Variants in COL8A1 observed in about 807,000 individuals in gnomAD.
COL8A1 encodes the protein collagen type VIII alpha 1 chain.
Under a neutral mutation model 42.7 loss-of-function variants are expected in COL8A1, and 21 were observed. The ratio of observed to expected loss-of-function variants is 0.49; its 90% CI spans 0.35 to 0.71. The LOEUF (loss-of-function observed/expected upper bound fraction) is 0.71. Ranked by LOEUF, COL8A1 falls within the 30% of genes least tolerant of loss-of-function variation. COL8A1 has a pLI of 0.01. For synonymous variants in COL8A1, 367 were observed against 369.1 expected, an observed-to-expected ratio of 0.99 and a Z score of 0.06; for missense variants, 788 against 962.4, an observed-to-expected ratio of 0.82 and a Z score of 2.40.
rs1207115512 is a variant in COL8A1 at position 99,799,033 on chromosome 3, A to AG, written c.*2901dup. ...GTTTTAATGCAGTATGACATCCCAC[A>AG]GGGGAAAAGAATGTCTGTAGTGGGT... On this transcript the variant is annotated 3_prime_UTR_variant, in exon 4 of 4. Transcript: ENST00000652472. The AG allele has an allele frequency of 6.6e-6, 1 of 152,226 alleles. No individual in the cohort carries two copies. The highest frequency in any genetic ancestry group is 1.5e-5 in the Non-Finnish European group (1 of 68,026). 9.4% of individuals were successfully genotyped at this position (152,226 alleles called of 1,614,324 possible).
chr3:99,712,037 C>T (rs1017852850), intron 1 of COL8A1, among the ~76,000 whole-genome samples: 1 of 152,020 alleles, frequency 6.6e-6, no homozygotes, highest in Non-Finnish European at 1.5e-5. Context: ...TTCAGGTAAA[C>T]TTGGAAGTGA....
intron 3 of COL8A1, among the ~76,000 whole-genome samples, chr3:99,791,575 C>T (rs1250949684): frequency 6.6e-6 from 1 of 152,224 alleles, no homozygotes; most frequent in East Asian, 1.9e-4. Context: ...AGGGATGACA[C>T]CTGAAAATCT....
At chr3:99,756,904 A>G (rs989281877) in intron 2 of COL8A1, among the ~76,000 whole-genome samples, 4 of 152,372 alleles carry the variant, frequency 2.6e-5, no homozygotes, top group East Asian at 1.9e-4. Context: ...CTAAATTCCA[A>G]GGAAATGTGG....
At chr3:99,727,453 G>A (rs1269921500) in intron 1 of COL8A1, among the ~76,000 whole-genome samples, 1 of 152,068 alleles carries the variant, frequency 6.6e-6, no homozygotes. Flanking sequence ...ACAGTATGTT[G>A]AATAGGAGTG....
chr3:99,752,325 G>T (rs560522586), intron 2 of COL8A1, among the ~76,000 whole-genome samples: 10 of 152,170 alleles, frequency 6.6e-5, no homozygotes, highest in African/African-American at 2.4e-4. Context: ...ACAGGGTTTG[G>T]TCATAGTTAA....
At chr3:99,650,917 T>C (rs758834259) in intron 1 of COL8A1, among the ~76,000 whole-genome samples, 1 of 152,236 alleles carries the variant, frequency 6.6e-6, no homozygotes, top group Non-Finnish European at 1.5e-5. Flanking sequence ...TGCTTTTTTC[T>C]ATCCCCAGTG....
chr3:99,700,054 A>G (rs1452540052), intron 1 of COL8A1, among the ~76,000 whole-genome samples: 1 of 152,172 alleles, frequency 6.6e-6, no homozygotes, highest in Non-Finnish European at 1.5e-5. Flanking sequence ...GCAGACTCCA[A>G]TGCAGTCGGT....
At position 99,788,693 on chromosome 3, in the gene COL8A1, G is replaced by C. The variant is rs1358498024; in HGVS notation, c.-3-1987G>C. 3.3e-5 allele frequency among the ~76,000 whole-genome samples: 5 copies of C among 152,250 alleles called. No individual in the cohort carries two copies. The South Asian group carries it at 8.3e-4, about 25-fold the overall frequency. Reference sequence around the variant, plus strand: ...TGAAGAACTTAAAGAAATTTGTTTAGATGCACATAACTAGACAAGGAATAA... The same window carrying C: ...TGAAGAACTTAAAGAAATTTGTTTACATGCACATAACTAGACAAGGAATAA... On this transcript the variant is annotated intron_variant, in intron 2 of 3. Coordinates refer to ENST00000652472, the MANE Select transcript of COL8A1 (RefSeq NM_020351.4).
intron 1 of COL8A1, among the ~76,000 whole-genome samples, chr3:99,689,326 T>C (rs1257431352): frequency 6.6e-6 from 1 of 152,188 alleles, no homozygotes; most frequent in African/African-American, 2.4e-5. Context: ...GTATGCAACA[T>C]CTCCAAAAGC....
At chr3:99,718,543 C>A (rs1204827513) in intron 1 of COL8A1, among the ~76,000 whole-genome samples, 2 of 152,010 alleles carry the variant, frequency 1.3e-5, no homozygotes, top group Non-Finnish European at 2.9e-5. Context: ...CTTCTAATCC[C>A]ATCCTACAAT....
chr3:99,648,831 C>T (rs1937741021), intron 1 of COL8A1, among the ~76,000 whole-genome samples: 1 of 152,136 alleles, frequency 6.6e-6, no homozygotes, highest in Non-Finnish European at 1.5e-5. Flanking sequence ...CAGATGATGA[C>T]AGTAAACATG....
At chr3:99,673,260 G>A (rs1320723989) in intron 1 of COL8A1, among the ~76,000 whole-genome samples, 1 of 151,970 alleles carries the variant, frequency 6.6e-6, no homozygotes, top group Non-Finnish European at 1.5e-5. Flanking sequence ...TGTGATTACT[G>A]AATGGGCAAC....
chr3:99,738,872 C>T (rs548497549), intron 1 of COL8A1, among the ~76,000 whole-genome samples: 68 of 152,220 alleles, frequency 4.5e-4, no homozygotes, highest in East Asian at 2.1e-3. Flanking sequence ...TAGCAATCAG[C>T]GAGATTCCGT....
intron 1 of COL8A1, among the ~76,000 whole-genome samples, chr3:99,667,948 T>A (rs1938417242): frequency 6.6e-6 from 1 of 152,072 alleles, no homozygotes; most frequent in Non-Finnish European, 1.5e-5. Flanking sequence ...ATAAAAAAAA[T>A]TATCTAATAT....
intron 2 of COL8A1, among the ~76,000 whole-genome samples, chr3:99,775,650 T>G (rs1204646475): frequency 3.9e-5 from 6 of 152,200 alleles, no homozygotes; most frequent in Admixed American, 2.0e-4. Context: ...GCTAGGCTTC[T>G]CTAGGGTTCC....
chr3:99,700,946 C>T (rs1214617846), intron 1 of COL8A1, among the ~76,000 whole-genome samples: 2 of 152,168 alleles, frequency 1.3e-5, no homozygotes, highest in African/African-American at 2.4e-5. Flanking sequence ...TAGCTTCCCA[C>T]GTATAGGCTT....
chr3:99,648,145 T>C (rs1051009457), intron 1 of COL8A1, among the ~76,000 whole-genome samples: 3 of 152,184 alleles, frequency 2.0e-5, no homozygotes, highest in African/African-American at 7.2e-5. Flanking sequence ...AAGAAGGGTG[T>C]TATTATTCCC....
chr3:99,669,414 A>C (rs544976493), intron 1 of COL8A1, among the ~76,000 whole-genome samples: 2 of 152,052 alleles, frequency 1.3e-5, no homozygotes, highest in African/African-American at 4.8e-5. Flanking sequence ...CTGTAAATGC[A>C]TTGAGTCATT....
chr3:99,738,899 G>C (rs1434070375), intron 1 of COL8A1, among the ~76,000 whole-genome samples: 1 of 152,160 alleles, frequency 6.6e-6, no homozygotes, highest in Admixed American at 6.5e-5. Context: ...AGGACCCTCT[G>C]AGCCAGATGT....
Sources: gnomAD v4.1 joint callset for allele counts (sites outside exome capture counted in the v4.1 genomes callset) on GRCh38, gnomAD v4.1.1 for gene constraint, MANE v1.5 for transcripts, NCBI Gene and HGNC (gene_info 2026-07-23, HGNC 2026-07-21) for gene names.